Variants in CAPN9 observed in about 807,000 individuals in gnomAD.
CAPN9 encodes calpain 9, also known as calpain-9.
Under a neutral mutation model 92.8 loss-of-function variants are expected in CAPN9, and 81 were observed. The observed-to-expected ratio is 0.87, with a 90% CI of 0.73 to 1.05. The LOEUF is 1.05. Among genes scored for constraint, CAPN9 ranks in the 50% least tolerant of loss-of-function variants. CAPN9 has a pLI of 0.00. For synonymous variants in CAPN9, 304 were observed against 328.0 expected (o/e 0.93, Z 0.79); for missense variants, 848 against 866.2 (o/e 0.98, Z 0.26).
chr1:230,749,848 C>T (rs1470681087), intron 1 of CAPN9, among the ~76,000 whole-genome samples: 1 of 152,200 alleles, frequency 6.6e-6, no homozygotes, highest in African/African-American at 2.4e-5. Context: ...TAACCTAACA[C>T]CATCGTCTCC....
chr1:230,779,790 A>G (rs960570897), intron 9 of CAPN9, among the ~76,000 whole-genome samples: 9 of 152,198 alleles, frequency 5.9e-5, no homozygotes, highest in Non-Finnish European at 1.0e-4. Flanking sequence ...CAAACGGCCC[A>G]CCATCAAGTA....
At chr1:230,751,617 AAG>A (rs1363158529) in intron 1 of CAPN9, among the ~76,000 whole-genome samples, 5 of 43,740 alleles carry the variant, frequency 1.1e-4, no homozygotes, top group African/African-American at 1.2e-4. Context: ...AAGAGAAAGA[AAG>A]AAAGAAAGAA....
intron 5 of CAPN9, 140 bp downstream of exon 5, chr1:230,767,849 C>A: frequency 4.5e-6 from 3 of 666,588 alleles, no homozygotes; most frequent in Non-Finnish European, 7.5e-6. Context: ...TTTATTCCTG[C>A]TAATTAAAAC....
At chr1:230,770,434 C>T (rs537163231) in intron 6 of CAPN9, among the ~76,000 whole-genome samples, 1 of 152,228 alleles carries the variant, frequency 6.6e-6, no homozygotes, top group African/African-American at 2.4e-5. Flanking sequence ...TTCATGTCAC[C>T]CAGAAGCACC....
chr1:230,801,461 C>G (rs1668721700), intron 19 of CAPN9, 109 bp from the exon 20 acceptor site: 1 of 1,018,354 alleles, frequency 9.8e-7, no homozygotes, highest in Non-Finnish European at 1.6e-6. Context: ...GCAAAATGAT[C>G]AAATAGCAGA....
intron 8 of CAPN9, chr1:230,776,556 G>C (rs1357530854): frequency 6.6e-6 from 1 of 152,188 alleles, no homozygotes; most frequent in African/African-American, 2.4e-5. Context: ...ATGACTCAAG[G>C]TAACACTAGC....
intron 1 of CAPN9, among the ~76,000 whole-genome samples, chr1:230,751,873 AG>A (rs1451799067): frequency 4.7e-4 from 1 of 2,112 alleles, no homozygotes; most frequent in African/African-American, 2.1e-3. Flanking sequence ...GGGGAGGGGG[AG>A]GGGGAGGGGT....
intron 1 of CAPN9, among the ~76,000 whole-genome samples, chr1:230,748,252 C>T (rs1225479654): frequency 6.6e-6 from 1 of 152,184 alleles, no homozygotes; most frequent in East Asian, 1.9e-4. Flanking sequence ...AGTGCCCCAC[C>T]TCTGACAGTC....
chr1:230,764,265 C>T (rs4847011), intron 4 of CAPN9, among the ~76,000 whole-genome samples: 41,870 of 152,044 alleles, frequency 0.28, 6,158 homozygotes, highest in Non-Finnish European at 0.34. Context: ...ATTCAGTTTG[C>T]TAAAGATCCA....
intron 6 of CAPN9, among the ~76,000 whole-genome samples, chr1:230,769,631 A>G (rs1360068686): frequency 5.0e-5 from 3 of 59,788 alleles, no homozygotes; most frequent in Non-Finnish European, 1.2e-4. Context: ...CTATCTATCT[A>G]TCTATCTATC....
chr1:230,799,950 G>A (rs1479835574), intron 19 of CAPN9, among the ~76,000 whole-genome samples: 2 of 151,652 alleles, frequency 1.3e-5, no homozygotes, highest in African/African-American at 2.4e-5. Flanking sequence ...AGGCTGAGGC[G>A]GGTGAATCAC....
chr1:230,760,197 C>T (rs1350912935), intron 3 of CAPN9, among the ~76,000 whole-genome samples: 1 of 152,112 alleles, frequency 6.6e-6, no homozygotes, highest in East Asian at 1.9e-4. Flanking sequence ...CTCTCCTCCA[C>T]CCCTGTCCTT....
intron 13 of CAPN9, 23 bp from the exon 14 acceptor site, chr1:230,790,109 A>G: frequency 1.3e-6 from 2 of 1,598,302 alleles, no homozygotes; most frequent in Non-Finnish European, 1.7e-6. Context: ...GGCTATAACA[A>G]ACAATTGTCT....
chr1:230,761,704 C>G (rs778114872), intron 3 of CAPN9, among the ~76,000 whole-genome samples: 1 of 152,108 alleles, frequency 6.6e-6, no homozygotes, highest in Non-Finnish European at 1.5e-5. Context: ...CCTCCTCTTT[C>G]AACCCTTTTC....
At chr1:230,797,428 C>A (rs1319620462) in intron 18 of CAPN9, among the ~76,000 whole-genome samples, 1 of 152,238 alleles carries the variant, frequency 6.6e-6, no homozygotes, top group African/African-American at 2.4e-5. Flanking sequence ...ATGCCCAAGT[C>A]TTCCAGGCCA....
At chr1:230,781,581 A>ACC (rs780339570) in intron 11 of CAPN9, among the ~76,000 whole-genome samples, 63 of 152,296 alleles carry the variant, frequency 4.1e-4, no homozygotes, top group Non-Finnish European at 7.5e-4. Flanking sequence ...CTGCCCATTC[A>ACC]CCATTGGTTG....
At chr1:230,761,300 G>A (rs562494771) in intron 3 of CAPN9, among the ~76,000 whole-genome samples, 2 of 152,308 alleles carry the variant, frequency 1.3e-5, no homozygotes, top group South Asian at 4.1e-4. Flanking sequence ...GTGCTAGGAA[G>A]TTAGCAGAGC....
intron 5 of CAPN9, among the ~76,000 whole-genome samples, 176 bp from the exon 6 acceptor site, chr1:230,769,004 A>G (rs1666199571): frequency 6.6e-6 from 1 of 152,234 alleles, no homozygotes; most frequent in Non-Finnish European, 1.5e-5. Flanking sequence ...AACTTGCTTC[A>G]TGTCACTGCT....
At chr1:230,792,034 C>A in intron 15 of CAPN9, 106 bp downstream of exon 15, 1 of 849,256 alleles carries the variant, frequency 1.2e-6, no homozygotes, top group Non-Finnish European at 2.0e-6. Context: ...ACATCCTTAG[C>A]CAGCAGAATA....
Sources: allele counts gnomAD v4.1 joint callset (sites outside exome capture counted in the v4.1 genomes callset), GRCh38; gene constraint gnomAD v4.1.1; transcripts MANE v1.5; gene names NCBI Gene and HGNC (gene_info 2026-07-23, HGNC 2026-07-21).